The following SATL1 variants were observed in gnomAD, a reference collection of about 807,000 sequenced individuals.
SATL1 encodes the protein spermidine/spermine N(1)-acetyltransferase-like protein 1.
In SATL1, 47 loss-of-function variants were observed where a neutral mutation model predicts 51.8. The observed-to-expected ratio is 0.91, with a 90% confidence interval of 0.72 to 1.16. SATL1 has a LOEUF of 1.16. SATL1 is among the 50% of genes most tolerant of loss of function. The probability of loss-of-function intolerance (pLI) is 0.00; values close to 1 mark genes in which losing one functional copy is unlikely to be tolerated. For missense variants in SATL1, 520 were observed against 526.4 expected (o/e 0.99, Z 0.12); for synonymous variants, 176 against 182.4 (o/e 0.97, Z 0.28).
At chrX:85,128,949 A>G (rs1925701966) in intron 2 of SATL1, among the ~76,000 whole-genome samples, 1 of 111,786 alleles carries the variant, frequency 8.9e-6, no homozygotes, top group African/African-American at 3.3e-5. Flanking sequence ...CAAAGATCAG[A>G]TAGTTGTAGA....
intron 2 of SATL1, among the ~76,000 whole-genome samples, chrX:85,201,302 A>T (rs1927681872): frequency 9.0e-6 from 1 of 111,021 alleles, no homozygotes; most frequent in Admixed American, 9.6e-5. Context: ...AGTATAGGGG[A>T]CTGTTAATTA....
At chrX:85,132,795 A>G (rs1467923082) in intron 2 of SATL1, among the ~76,000 whole-genome samples, 1 of 111,636 alleles carries the variant, frequency 9.0e-6, no homozygotes, top group East Asian at 2.8e-4. Context: ...GGTTTTATCT[A>G]TGTTTGCGCT....
intron 1 of SATL1, among the ~76,000 whole-genome samples, chrX:85,235,376 C>T (rs192781186): frequency 1.8e-5 from 2 of 111,303 alleles, no homozygotes; most frequent in Non-Finnish European, 3.8e-5. Flanking sequence ...ATTTACAGAA[C>T]ACTTCATCCA....
chrX:85,108,302 G>A lies in SATL1; in HGVS notation c.667C>T (p.Pro223Ser). ...MSQPGMSQQV[P>S]SQPGIRQPDT... is the part of the protein sequence containing the mutation. ...GGTTGCCTTATGCCTGGTTGGCTGGGGACTTGCTGGCTCATGCCTGGTTGA... is the reference window on the plus strand; with the variant it reads ...GGTTGCCTTATGCCTGGTTGGCTGGAGACTTGCTGGCTCATGCCTGGTTGA... The change falls in exon 3 of 8, where the codon CCC becomes TCC. Residue 223 changes from proline (P) to serine (S), a missense_variant. Pro to Ser is a moderately conservative substitution (Grantham distance 74). This residue lies in a region of SATL1 where 488 missense variants were observed against 474.3 expected (regional missense o/e 1.03). Coordinates refer to ENST00000644105, the MANE Select transcript of SATL1 (RefSeq NM_001367857.2). The A allele has an allele frequency of 8.3e-7, 1 of 1,209,705 alleles. No individual in the cohort carries two copies. Among genetic ancestry groups the A allele is most frequent in the Non-Finnish European group, 1.1e-6 (1 of 894,876 alleles).
intron 2 of SATL1, chrX:85,207,644 A>G (rs1332385768): frequency 1.8e-5 from 2 of 112,069 alleles, no homozygotes; most frequent in African/African-American, 3.2e-5. Context: ...TGCATTGGAC[A>G]CAACTGTCCC....
intron 2 of SATL1, among the ~76,000 whole-genome samples, chrX:85,136,447 G>T (rs2062995882): frequency 8.9e-6 from 1 of 111,873 alleles, no homozygotes; most frequent in South Asian, 3.7e-4. Flanking sequence ...AGCACCTGAA[G>T]AAGACTGAAA....
chrX:85,103,038 T>G (rs1924938172), intron 4 of SATL1, among the ~76,000 whole-genome samples: 1 of 111,597 alleles, frequency 9.0e-6, no homozygotes, highest in African/African-American at 3.3e-5. Context: ...TTTCTTACTA[T>G]TTCTTTTAAG....
chrX:85,196,092 T>C (rs139343531), intron 2 of SATL1, among the ~76,000 whole-genome samples: 180 of 109,393 alleles, frequency 1.6e-3, no homozygotes, highest in East Asian at 0.015. Context: ...GTGGTTGAAA[T>C]TGAGCCGGAT....
intron 2 of SATL1, among the ~76,000 whole-genome samples, chrX:85,216,759 A>T (rs1314779309): frequency 8.9e-6 from 1 of 112,055 alleles, no homozygotes; most frequent in Non-Finnish European, 1.9e-5. Flanking sequence ...TATTGGCCAG[A>T]TGCAAGTCAC....
chrX:85,149,180 A>G (rs145484538), intron 2 of SATL1, among the ~76,000 whole-genome samples: 3,195 of 111,490 alleles, frequency 0.029, 63 homozygotes, highest in Non-Finnish European at 0.047. Context: ...CTCTGATAAA[A>G]CAGACTTTAA....
intron 4 of SATL1, among the ~76,000 whole-genome samples, chrX:85,100,221 CA>C (rs34627358): frequency 9.2e-6 from 1 of 109,286 alleles, no homozygotes; most frequent in African/African-American, 3.3e-5. Context: ...AACAAAAAAA[CA>C]AAAAAAATCC....
intron 2 of SATL1, among the ~76,000 whole-genome samples, chrX:85,173,537 A>G (rs903245559): frequency 9.2e-6 from 1 of 109,271 alleles, no homozygotes; most frequent in African/African-American, 3.3e-5. Context: ...TCTAATATAC[A>G]TTTTTAAGTT....
intron 2 of SATL1, among the ~76,000 whole-genome samples, chrX:85,172,459 A>G (rs1322159028): frequency 9.0e-6 from 1 of 110,888 alleles, no homozygotes; most frequent in African/African-American, 3.3e-5. Flanking sequence ...AAGTGTTTAG[A>G]AGGAAGACAA....
intron 2 of SATL1, among the ~76,000 whole-genome samples, chrX:85,127,235 G>A (rs66503134): frequency 0.15 from 16,498 of 109,857 alleles, 1,368 homozygotes; most frequent in African/African-American, 0.31. Context: ...ATCCTCTACC[G>A]CCTCACTTCA....
At position 85,108,282 on chromosome X, in the gene SATL1, C is replaced by T; in HGVS notation, c.687G>A (p.Arg229=). The T allele has an allele frequency of 1.7e-6, 2 of 1,210,361 alleles. No homozygotes were observed. The highest frequency in any genetic ancestry group is 2.2e-6 in the Non-Finnish European group (2 of 895,058). Reference sequence around the variant, plus strand: ...TACATGATTGGCTAGTGTCTGGTTGCCTTATGCCTGGTTGGCTGGGGACTT... The same window carrying T: ...TACATGATTGGCTAGTGTCTGGTTGTCTTATGCCTGGTTGGCTGGGGACTT... ...SQQVPSQPGI[R]QPDTSQSCKN... Residue 229 remains arginine (R), a synonymous_variant, in exon 3 of 8, where the codon AGG becomes AGA. Transcript: ENST00000644105.
chrX:85,131,890 T>G (rs1925815326), intron 2 of SATL1, among the ~76,000 whole-genome samples: 1 of 111,877 alleles, frequency 8.9e-6, no homozygotes, highest in Non-Finnish European at 1.9e-5. Context: ...AAGTATTTTA[T>G]TTCTTCTTCA....
At chrX:85,242,651 C>T (rs374180858) in intron 1 of SATL1, among the ~76,000 whole-genome samples, 8 of 112,355 alleles carry the variant, frequency 7.1e-5, no homozygotes, top group African/African-American at 1.9e-4. Flanking sequence ...TACACACACA[C>T]ATCACATGCG....
intron 4 of SATL1, among the ~76,000 whole-genome samples, chrX:85,101,462 A>G (rs773730212): frequency 8.9e-6 from 1 of 112,525 alleles, no homozygotes; most frequent in Non-Finnish European, 1.9e-5. Context: ...CATTAGTGCA[A>G]TGCACATCAA....
chrX:85,142,321 G>A (rs946182178), intron 2 of SATL1, among the ~76,000 whole-genome samples: 3 of 103,329 alleles, frequency 2.9e-5, no homozygotes, highest in African/African-American at 7.1e-5. Context: ...GCGTGAACCC[G>A]GGAGGAAGAG....
Sources: allele counts gnomAD v4.1 joint callset (sites outside exome capture counted in the v4.1 genomes callset), GRCh38; gene constraint gnomAD v4.1.1; regional missense constraint gnomAD v4.1.1; transcripts MANE v1.5; gene names NCBI Gene and HGNC (gene_info 2026-07-23, HGNC 2026-07-21).